The following GLYATL1 variants were observed in gnomAD, a reference collection of about 807,000 sequenced individuals.
The protein encoded by GLYATL1 is glycine-N-acyltransferase like 1.
GLYATL1 carries 15 observed loss-of-function variants against 20.0 expected under a neutral mutation model. The observed-to-expected ratio is 0.75, with a 90% CI of 0.50 to 1.15. The LOEUF is 1.15. GLYATL1 is among the 50% of genes most tolerant of loss of function. The pLI is 0.00. For missense variants in GLYATL1, 380 were observed against 368.5 expected, an observed-to-expected ratio of 1.03 and a Z score of -0.26; for synonymous variants, 151 against 131.5, an observed-to-expected ratio of 1.15 and a Z score of -1.01.
intron 2 of GLYATL1, 110 bp downstream of exon 2, chr11:58,943,776 A>T (rs576256067): frequency 4.4e-4 from 648 of 1,473,666 alleles, no homozygotes; most frequent in Non-Finnish European, 5.6e-4. Context: ...AACAGGAAAC[A>T]GACTGGGTCT....
chr11:58,939,767 CCTGA>C (rs1234992640), intron 1 of GLYATL1, 117 bp downstream of exon 1: 1 of 152,104 alleles, frequency 6.6e-6, no homozygotes, highest in Non-Finnish European at 1.5e-5. Flanking sequence ...AGGAAAATAC[CCTGA>C]CTGTTTCAGT....
chr11:58,946,002 T>C (rs1856545064), intron 2 of GLYATL1, among the ~76,000 whole-genome samples: 3 of 152,222 alleles, frequency 2.0e-5, no homozygotes, highest in Admixed American at 2.0e-4. Context: ...ACTTCATGGA[T>C]AAAAAATTTC....
At chr11:58,944,690 T>C (rs571438555) in intron 2 of GLYATL1, among the ~76,000 whole-genome samples, 139 of 152,288 alleles carry the variant, frequency 9.1e-4, no homozygotes, top group African/African-American at 3.2e-3. Context: ...TATTTTGATA[T>C]TTTTACCCAT....
intron 4 of GLYATL1, among the ~76,000 whole-genome samples, chr11:58,954,208 A>C (rs546696344): frequency 2.0e-5 from 3 of 152,342 alleles, no homozygotes; most frequent in Admixed American, 1.3e-4. Flanking sequence ...TAGGCACTAA[A>C]AATTAGAGAA....
chr11:58,950,036 C>G (rs1786517231), intron 4 of GLYATL1, among the ~76,000 whole-genome samples: 2 of 143,316 alleles, frequency 1.4e-5, no homozygotes, highest in South Asian at 2.2e-4. Context: ...AATCCCAGCA[C>G]TTTGGGAGGC....
At chr11:58,937,828 A>T (rs577190), upstream of GLYATL1, among the ~76,000 whole-genome samples, 49,272 of 152,004 alleles carry the variant, frequency 0.32, 8,518 homozygotes, top group Non-Finnish European at 0.39. Context: ...TAAGGGTTAA[A>T]GAAGGACATT....
At chr11:58,914,800 G>C (rs1855131925) in intron 1 of GLYATL1, among the ~76,000 whole-genome samples, 1 of 152,204 alleles carries the variant, frequency 6.6e-6, no homozygotes, top group African/African-American at 2.4e-5. Flanking sequence ...GGAGAAAAAT[G>C]CATTATGGGG....
intron 4 of GLYATL1, among the ~76,000 whole-genome samples, chr11:58,950,869 C>T (rs1032508153): frequency 6.6e-6 from 1 of 151,912 alleles, no homozygotes; most frequent in African/African-American, 2.4e-5. Context: ...TACTTTTGAC[C>T]TGTTTATATT....
chr11:58,944,805 A>G (rs980884095), intron 2 of GLYATL1, among the ~76,000 whole-genome samples: 1 of 152,018 alleles, frequency 6.6e-6, no homozygotes, highest in Non-Finnish European at 1.5e-5. Context: ...TCTTTAGTGG[A>G]CATTAAACTT....
Position 58,956,047 on chromosome 11 carries a change from A to G in GLYATL1, c.*20A>G, listed in dbSNP as rs371186911. The G allele has an allele frequency of 6.3e-7, 1 of 1,594,466 alleles. No homozygotes were observed. The highest frequency in any genetic ancestry group is 1.1e-5 in the South Asian group (1 of 89,836). ...TTTTAGACAATGAAGCTGCTTAGTA[A>G]TCTCTGCCAAGCCATCTCTTAATAT... On this transcript the variant is annotated 3_prime_UTR_variant, in exon 7 of 7. Transcript: ENST00000532726.
rs1022902692 is a variant in GLYATL1 at position 58,946,832 on chromosome 11, G to A, written c.-42-214G>A. ...ACAAGGGAGGAAGGGCATGGGTTTT[G>A]GAGACAGTCATATATGGTTTCAAAA... On this transcript the variant is annotated intron_variant, in intron 2 of 6. Coordinates refer to ENST00000532726, the MANE Select transcript of GLYATL1 (RefSeq NM_001389712.2). The A allele has an allele frequency of 1.8e-5, 11 of 595,672 alleles. No homozygotes were observed. In the Admixed American group the frequency reaches 3.2e-4, roughly 17 times the overall value. 36.9% of individuals were successfully genotyped at this position (595,672 alleles called of 1,614,324 possible).
At chr11:58,928,005 G>A (rs1157606855) in intron 1 of GLYATL1, among the ~76,000 whole-genome samples, 1 of 152,152 alleles carries the variant, frequency 6.6e-6, no homozygotes, top group African/African-American at 2.4e-5. Flanking sequence ...ACTGGGACTT[G>A]CTGCCTTTGC....
intron 5 of GLYATL1, 103 bp downstream of exon 5, chr11:58,954,999 C>T (rs111446383): frequency 1.5e-6 from 2 of 1,350,212 alleles, no homozygotes; most frequent in African/African-American, 3.0e-5. Flanking sequence ...TGTAAATTCA[C>T]AGAAACTCTG....
At chr11:58,917,026 A>G (rs1236558989) in intron 1 of GLYATL1, 2 of 152,226 alleles carry the variant, frequency 1.3e-5, no homozygotes, top group African/African-American at 2.4e-5. Context: ...TCCGTTTTTC[A>G]TCTGCAATGC....
intron 1 of GLYATL1, among the ~76,000 whole-genome samples, chr11:58,916,326 T>G (rs524585): frequency 0.94 from 142,774 of 152,210 alleles, 67,625 homozygotes; most frequent in East Asian, 1. Context: ...TTAGGAGGAG[T>G]GCAGATTTTT....
At chr11:58,946,245 A>G (rs899724285) in intron 2 of GLYATL1, among the ~76,000 whole-genome samples, 10 of 152,240 alleles carry the variant, frequency 6.6e-5, no homozygotes, top group African/African-American at 2.2e-4. Context: ...TATGCATTTT[A>G]TACATATTAC....
At chr11:58,948,464 C>T (rs960250144) in intron 4 of GLYATL1, among the ~76,000 whole-genome samples, 6 of 152,072 alleles carry the variant, frequency 3.9e-5, no homozygotes, top group Admixed American at 2.6e-4. Flanking sequence ...CATAGTGAGA[C>T]CTCATCTCTA....
chr11:58,951,495 G>C (rs1407568236), intron 4 of GLYATL1, among the ~76,000 whole-genome samples: 1 of 58,346 alleles, frequency 1.7e-5, no homozygotes, highest in African/African-American at 5.2e-5. Flanking sequence ...AAACTTAATA[G>C]CTATATGAAC....
Position 58,947,969 on chromosome 11 carries a change from G to A in GLYATL1, c.186+4G>A, listed in dbSNP as rs774411033. On this transcript the variant is annotated splice_donor_region_variant and intron_variant, in intron 4 of 6. Coordinates refer to ENST00000532726, the MANE Select transcript of GLYATL1 (RefSeq NM_001389712.2). ...TATTATCCGGCCTCAAAAGCAGGTA[G>A]GCACACAGACAGGGACTGGTGGAGC... 1.9e-6 allele frequency: 3 copies of A among 1,605,126 alleles called. No homozygotes were observed. Among genetic ancestry groups the A allele is most frequent in the Non-Finnish European group, 1.7e-6 (2 of 1,171,992 alleles).
Sources: allele counts gnomAD v4.1 joint callset (sites outside exome capture counted in the v4.1 genomes callset), GRCh38; gene constraint gnomAD v4.1.1; transcripts MANE v1.5; gene names NCBI Gene and HGNC (gene_info 2026-07-23, HGNC 2026-07-21).